STARD13: variants seen among roughly 807,000 people sequenced by gnomAD.
STARD13 encodes the protein StAR related lipid transfer domain containing 13.
Under a neutral mutation model 106.4 loss-of-function variants are expected in STARD13, and 62 were observed. That is an observed-to-expected ratio of 0.58 (90% CI 0.48 to 0.72). The LOEUF (loss-of-function observed/expected upper bound fraction) is 0.72. Among genes scored for constraint, STARD13 ranks in the 30% least tolerant of loss-of-function variants. The pLI, the probability that STARD13 is intolerant of heterozygous loss-of-function variation, is 0.00. For missense variants in STARD13, 1,387 were observed against 1,424.0 expected (o/e 0.97, Z 0.42); for synonymous variants, 565 against 553.0 (o/e 1.02, Z -0.31).
chr13:33,151,856 G>C (rs1261502518), intron 3 of STARD13, among the ~76,000 whole-genome samples: 2 of 152,202 alleles, frequency 1.3e-5, no homozygotes, highest in Non-Finnish European at 2.9e-5. Context: ...GTGAGAGTGG[G>C]ATGTCTGCGT....
At chr13:33,492,718 A>T in the STARD13 span, among the ~76,000 whole-genome samples, 2 of 152,156 alleles carry the variant, frequency 1.3e-5, no homozygotes, top group South Asian at 2.1e-4. Context: ...TCAAGAAATA[A>T]CCATAAAAAT....
chr13:33,471,016 G>A, the STARD13 span, among the ~76,000 whole-genome samples: 1 of 152,118 alleles, frequency 6.6e-6, no homozygotes, highest in Non-Finnish European at 1.5e-5. Flanking sequence ...TGTCCTGAAT[G>A]GTAATGCCTA....
At chr13:33,604,530 C>A in the STARD13 span, among the ~76,000 whole-genome samples, 1 of 152,184 alleles carries the variant, frequency 6.6e-6, no homozygotes, top group African/African-American at 2.4e-5. Flanking sequence ...GGTGCAGTGG[C>A]TCATGCCTGT....
chr13:33,422,103 A>G, the STARD13 span, among the ~76,000 whole-genome samples: 7 of 152,170 alleles, frequency 4.6e-5, no homozygotes. Flanking sequence ...CAGGGCAATC[A>G]GGAAAGAGAA....
At chr13:33,605,750 T>C in the STARD13 span, among the ~76,000 whole-genome samples, 1 of 152,218 alleles carries the variant, frequency 6.6e-6, no homozygotes, top group Non-Finnish European at 1.5e-5. Context: ...AGTTATGTTG[T>C]TTTACCAGTC....
At chr13:33,575,155 A>G in the STARD13 span, among the ~76,000 whole-genome samples, 25 of 151,892 alleles carry the variant, frequency 1.6e-4, no homozygotes, top group East Asian at 4.9e-3. Flanking sequence ...TGACCTCGTA[A>G]CCTGCCTGCC....
At chr13:33,672,134 T>G in the STARD13 span, among the ~76,000 whole-genome samples, 3 of 152,184 alleles carry the variant, frequency 2.0e-5, no homozygotes, top group African/African-American at 7.2e-5. Flanking sequence ...CCATCAATGA[T>G]AGACTGGATA....
chr13:33,649,820 G>A, the STARD13 span, among the ~76,000 whole-genome samples: 2 of 152,156 alleles, frequency 1.3e-5, no homozygotes, highest in African/African-American at 2.4e-5. Context: ...TGCTGTGAGT[G>A]ACTCTGACTT....
chr13:33,386,721 C>G, the STARD13 span, among the ~76,000 whole-genome samples: 1 of 152,056 alleles, frequency 6.6e-6, no homozygotes, highest in African/African-American at 2.4e-5. Context: ...ATTTCCTGGG[C>G]CCTCCAAAGT....
At chr13:33,590,559 T>A in the STARD13 span, among the ~76,000 whole-genome samples, 128 of 151,850 alleles carry the variant, frequency 8.4e-4, no homozygotes, top group Middle Eastern at 3.4e-3. Flanking sequence ...GGGACATGGA[T>A]GAAGCTGGAA....
At chr13:33,348,904 G>A (rs1189567797) in exon 2 of STARD13, 2 of 514,924 alleles carry the variant, frequency 3.9e-6, no homozygotes, top group African/African-American at 1.9e-5. Context: ...AACATTGAGT[G>A]TTGGAATCAT....
At chr13:33,351,520 G>C (rs796336531), upstream of STARD13, among the ~76,000 whole-genome samples, 6 of 152,092 alleles carry the variant, frequency 3.9e-5, no homozygotes, top group South Asian at 1.2e-3. Context: ...CTCAGGCCTC[G>C]GGGTGTCCTG....
chr13:33,109,494 A>G (rs1394961740), intron 12 of STARD13, among the ~76,000 whole-genome samples: 1 of 152,214 alleles, frequency 6.6e-6, no homozygotes, highest in Non-Finnish European at 1.5e-5. Context: ...ACACTTTCCC[A>G]GGGGAGAAAA....
the STARD13 span, among the ~76,000 whole-genome samples, chr13:33,645,382 T>G: frequency 2.0e-5 from 3 of 152,262 alleles, no homozygotes; most frequent in South Asian, 6.2e-4. Context: ...TACCAGATGA[T>G]GTGTCTATAG....
At chr13:33,356,158 G>A in the STARD13 span, among the ~76,000 whole-genome samples, 9 of 152,254 alleles carry the variant, frequency 5.9e-5, no homozygotes, top group East Asian at 1.5e-3. Context: ...ATTTCTGATG[G>A]CATTCACAGG....
At chr13:33,584,443 A>G in the STARD13 span, among the ~76,000 whole-genome samples, 1 of 151,956 alleles carries the variant, frequency 6.6e-6, no homozygotes, top group Non-Finnish European at 1.5e-5. Flanking sequence ...CCCTATCATG[A>G]GGACAGCATC....
chr13:33,133,856 C>A (rs544340), intron 4 of STARD13, among the ~76,000 whole-genome samples: 3 of 151,782 alleles, frequency 2.0e-5, no homozygotes, highest in East Asian at 1.9e-4. Context: ...CACTTGGGAC[C>A]CAGCAGAGCA....
chr13:33,155,500 G>C (rs1881843182), intron 3 of STARD13: 1 of 152,060 alleles, frequency 6.6e-6, no homozygotes, highest in Non-Finnish European at 1.5e-5. Context: ...ACATAGAGAA[G>C]TGAATAACAA....
At chr13:33,283,143 A>G (rs1891885878) in intron 1 of STARD13, among the ~76,000 whole-genome samples, 1 of 152,206 alleles carries the variant, frequency 6.6e-6, no homozygotes, top group Non-Finnish European at 1.5e-5. Context: ...CTAGAGAAAT[A>G]TAACCTGACA....
Sources: gnomAD v4.1 joint callset for allele counts (sites outside exome capture counted in the v4.1 genomes callset) on GRCh38, gnomAD v4.1.1 for gene constraint, MANE v1.5 for transcripts, NCBI Gene and HGNC (gene_info 2026-07-23, HGNC 2026-07-21) for gene names.